The following DNAI1 variants were observed in gnomAD, a reference collection of about 807,000 sequenced individuals.
DNAI1 encodes the protein dynein axonemal intermediate chain 1, also known as dynein, axonemal, intermediate polypeptide 1.
In DNAI1, 67 loss-of-function variants were observed where a neutral mutation model predicts 92.0. That is an observed-to-expected ratio of 0.73 (90% CI 0.60 to 0.89). The LOEUF is 0.89. DNAI1 is among the 40% of genes least tolerant of loss of function. The probability of loss-of-function intolerance (pLI) is 0.00; values close to 1 mark genes in which losing one functional copy is unlikely to be tolerated. For missense variants in DNAI1, 839 were observed against 866.6 expected (o/e 0.97, Z 0.40); for synonymous variants, 323 against 319.6 (o/e 1.01, Z -0.11).
intron 7 of DNAI1, among the ~76,000 whole-genome samples, 160 bp downstream of exon 7, chr9:34,490,648 C>G (rs985656686): frequency 6.6e-6 from 1 of 152,164 alleles, no homozygotes; most frequent in African/African-American, 2.4e-5. Flanking sequence ...AGCATGTGTT[C>G]AGGTCTCTGT....
intron 8 of DNAI1, among the ~76,000 whole-genome samples, chr9:34,491,971 C>T (rs144333802): frequency 1.2e-3 from 180 of 152,310 alleles, no homozygotes; most frequent in Admixed American, 2.5e-3. Context: ...CCCTCCTCCC[C>T]CTTCAAGTCC....
chr9:34,495,324 T>C (rs1824699627), intron 9 of DNAI1, among the ~76,000 whole-genome samples: 1 of 152,062 alleles, frequency 6.6e-6, no homozygotes, highest in Non-Finnish European at 1.5e-5. Flanking sequence ...AGAGGAGTGG[T>C]CAGACTGGGG....
chr9:34,516,109 C>T (rs1825166989), intron 18 of DNAI1, among the ~76,000 whole-genome samples: 1 of 152,106 alleles, frequency 6.6e-6, no homozygotes, highest in African/African-American at 2.4e-5. Context: ...AAGGAGGCAG[C>T]CATGTGGAGA....
At chr9:34,485,777 T>G (rs1824457247) in intron 4 of DNAI1, among the ~76,000 whole-genome samples, 3 of 152,200 alleles carry the variant, frequency 2.0e-5, no homozygotes, top group Admixed American at 2.0e-4. Flanking sequence ...AATGAATCAT[T>G]TGGTTAGAAA....
intron 10 of DNAI1, among the ~76,000 whole-genome samples, chr9:34,497,445 G>A (rs1431938974): frequency 6.6e-6 from 1 of 152,218 alleles, no homozygotes; most frequent in Non-Finnish European, 1.5e-5. Flanking sequence ...CCTGCACATG[G>A]GTGATCCAAT....
At chr9:34,490,532 G>T (rs770580722) in intron 7 of DNAI1, 44 bp downstream of exon 7, 4 of 1,612,980 alleles carry the variant, frequency 2.5e-6, no homozygotes, top group Non-Finnish European at 3.4e-6. Context: ...TCTTCACTGT[G>T]CCTGGCAGGG....
chr9:34,488,281 A>G, intron 4 of DNAI1: 1 of 173,478 alleles, frequency 5.8e-6, no homozygotes, highest in Non-Finnish European at 1.2e-5. Context: ...ATAAAGATTC[A>G]AACCCAACTC....
chr9:34,512,525 C>A, intron 15 of DNAI1, 101 bp downstream of exon 15: 2 of 1,150,498 alleles, frequency 1.7e-6, no homozygotes, highest in Non-Finnish European at 2.6e-6. Flanking sequence ...GCTCCCTCCC[C>A]AACCTGTGCC....
chr9:34,513,664 A>G (rs1825116253), intron 16 of DNAI1, among the ~76,000 whole-genome samples: 1 of 152,126 alleles, frequency 6.6e-6, no homozygotes, highest in Admixed American at 6.5e-5. Flanking sequence ...ATCCAGAAAT[A>G]GCTCTGCTGC....
At chr9:34,485,072 G>T in intron 2 of DNAI1, 70 bp from the exon 3 acceptor site, 1 of 1,505,666 alleles carries the variant, frequency 6.6e-7, no homozygotes, top group Non-Finnish European at 9.2e-7. Context: ...GTTTGTGAAT[G>T]AAGGGGCTTT....
Position 34,506,875 on chromosome 9 carries a change from G to GT in DNAI1, c.1311+2dup. The GT allele has an allele frequency of 6.2e-7, 1 of 1,613,720 alleles. No individual in the cohort carries two copies. The highest frequency in any genetic ancestry group is 8.5e-7 in the Non-Finnish European group (1 of 1,179,886). ...CAAGCACTCAGACCCTGTGTGGCAG[G>GT]TCAGCAACCAGGCTGGGAGGGGTGG... On this transcript the variant is annotated splice_donor_variant, in intron 13 of 19. Transcript: ENST00000242317. LOFTEE classifies it high-confidence loss of function.
chr9:34,471,930 T>G (rs1824143764), intron 1 of DNAI1, among the ~76,000 whole-genome samples: 1 of 152,182 alleles, frequency 6.6e-6, no homozygotes, highest in African/African-American at 2.4e-5. Context: ...TACTCCAAAA[T>G]GTCTAGTAAA....
At chr9:34,512,311 C>A (rs367763078) in intron 14 of DNAI1, 26 bp from the exon 15 acceptor site, 8 of 1,613,736 alleles carry the variant, frequency 5.0e-6, no homozygotes, top group African/African-American at 1.3e-5. Context: ...GCCCTCCCCC[C>A]CACATCCCTC....
At chr9:34,515,347 A>G (rs372719663) in intron 18 of DNAI1, among the ~76,000 whole-genome samples, 6 of 152,354 alleles carry the variant, frequency 3.9e-5, no homozygotes, top group South Asian at 2.1e-4. Flanking sequence ...TCCGTCAGTC[A>G]TCTCTTCCTG....
At chr9:34,502,047 G>T (rs1178767951) in intron 12 of DNAI1, among the ~76,000 whole-genome samples, 1 of 152,218 alleles carries the variant, frequency 6.6e-6, no homozygotes, top group Non-Finnish European at 1.5e-5. Flanking sequence ...GGGAGGATCA[G>T]CTTCTGCAAA....
At chr9:34,489,900 C>T (rs1412359055) in intron 5 of DNAI1, 112 bp from the exon 6 acceptor site, 1 of 1,500,424 alleles carries the variant, frequency 6.7e-7, no homozygotes, top group Non-Finnish European at 9.1e-7. Flanking sequence ...AGGGAGCTAA[C>T]CCATGACACT....
chr9:34,459,250 A>T (rs1823892361), intron 1 of DNAI1, among the ~76,000 whole-genome samples, 197 bp downstream of exon 1: 1 of 151,662 alleles, frequency 6.6e-6, no homozygotes, highest in African/African-American at 2.4e-5. Flanking sequence ...CTCCTCTCCC[A>T]TACTACCCCA....
intron 19 of DNAI1, among the ~76,000 whole-genome samples, chr9:34,518,983 C>T (rs1825219026): frequency 6.6e-6 from 1 of 151,520 alleles, no homozygotes; most frequent in African/African-American, 2.4e-5. Context: ...GTAAGCATCT[C>T]CCATAGTTTC....
At chr9:34,461,379 A>G (rs1823948990) in intron 1 of DNAI1, among the ~76,000 whole-genome samples, 1 of 152,272 alleles carries the variant, frequency 6.6e-6, no homozygotes, top group South Asian at 2.1e-4. Context: ...TTACACACGT[A>G]TAAACCACTA....
Sources: allele counts gnomAD v4.1 joint callset (sites outside exome capture counted in the v4.1 genomes callset), GRCh38; gene constraint gnomAD v4.1.1; transcripts MANE v1.5; gene names NCBI Gene and HGNC (gene_info 2026-07-23, HGNC 2026-07-21).